The following MAGI1 variants were observed in gnomAD, a reference collection of about 807,000 sequenced individuals.
MAGI1 encodes membrane-associated guanylate kinase, WW and PDZ domain-containing protein 1.
Under a neutral mutation model 139.9 loss-of-function variants are expected in MAGI1, and 58 were observed. The observed-to-expected ratio is 0.41, with a 90% confidence interval of 0.34 to 0.52. The LOEUF (loss-of-function observed/expected upper bound fraction) is 0.52, where lower values mean the gene tolerates loss of function less well. Ranked by LOEUF, MAGI1 falls within the 20% of genes least tolerant of loss-of-function variation. The probability of loss-of-function intolerance (pLI) is 0.12; values close to 1 mark genes in which losing one functional copy is unlikely to be tolerated. For missense variants in MAGI1, 1,874 were observed against 1,901.6 expected (o/e 0.99, Z 0.27); for synonymous variants, 812 against 737.9 (o/e 1.10, Z -1.63).
intron 5 of MAGI1, among the ~76,000 whole-genome samples, chr3:65,457,070 C>A (rs982494345): frequency 6.6e-6 from 1 of 152,208 alleles, no homozygotes; most frequent in African/African-American, 2.4e-5. Context: ...ATAAACTTGT[C>A]TGTATCTACA....
At chr3:65,669,136 C>T (rs2086703060) in intron 1 of MAGI1, among the ~76,000 whole-genome samples, 1 of 152,082 alleles carries the variant, frequency 6.6e-6, no homozygotes, top group African/African-American at 2.4e-5. Flanking sequence ...AGGGTTTCAC[C>T]ATCTTGGCCA....
At chr3:65,816,430 G>A (rs1341157202) in intron 1 of MAGI1, among the ~76,000 whole-genome samples, 1 of 152,102 alleles carries the variant, frequency 6.6e-6, no homozygotes, top group East Asian at 1.9e-4. Flanking sequence ...TAGCCACATG[G>A]GGTAGTGGGA....
intron 1 of MAGI1, among the ~76,000 whole-genome samples, chr3:65,630,571 C>A (rs1559736881): frequency 6.6e-6 from 1 of 152,092 alleles, no homozygotes; most frequent in Non-Finnish European, 1.5e-5. Context: ...TTTGCAGCAA[C>A]CTAGATGAAG....
intron 1 of MAGI1, among the ~76,000 whole-genome samples, chr3:65,746,796 T>A (rs925233076): frequency 5.3e-5 from 8 of 152,030 alleles, no homozygotes; most frequent in Admixed American, 5.2e-4. Flanking sequence ...TGCTTCTGCC[T>A]AGTCAATCAC....
At chr3:65,927,627 A>G (rs1262837587) in intron 1 of MAGI1, among the ~76,000 whole-genome samples, 1 of 152,224 alleles carries the variant, frequency 6.6e-6, no homozygotes, top group Non-Finnish European at 1.5e-5. Flanking sequence ...CTATCAATGT[A>G]AAGTACTGCT....
At chr3:65,691,885 C>A (rs553890507) in intron 1 of MAGI1, among the ~76,000 whole-genome samples, 1 of 152,182 alleles carries the variant, frequency 6.6e-6, no homozygotes, top group Non-Finnish European at 1.5e-5. Context: ...CCAGTTCCAA[C>A]CTAATTAGCT....
intron 14 of MAGI1, among the ~76,000 whole-genome samples, chr3:65,388,834 ATTT>A (rs35579495): frequency 1.2e-3 from 111 of 91,934 alleles, no homozygotes; most frequent in African/African-American, 5.2e-3. Flanking sequence ...ACCATTCCGA[ATTT>A]TTTTTTTTTT....
intron 1 of MAGI1, among the ~76,000 whole-genome samples, chr3:65,942,627 A>G (rs1352377580): frequency 6.6e-6 from 1 of 152,346 alleles, no homozygotes; most frequent in East Asian, 1.9e-4. Flanking sequence ...ACAGAATGTT[A>G]GCAAGTGCCT....
At chr3:65,967,069 T>C (rs1438711021) in intron 1 of MAGI1, among the ~76,000 whole-genome samples, 1 of 152,054 alleles carries the variant, frequency 6.6e-6, no homozygotes, top group Non-Finnish European at 1.5e-5. Flanking sequence ...GTCACAGAGT[T>C]AGTGGACAGT....
intron 1 of MAGI1, among the ~76,000 whole-genome samples, chr3:65,809,767 G>A (rs1043152812): frequency 2.6e-5 from 4 of 152,198 alleles, no homozygotes; most frequent in African/African-American, 9.7e-5. Flanking sequence ...AGGCAAAACA[G>A]ATACACTGGA....
intron 17 of MAGI1, among the ~76,000 whole-genome samples, chr3:65,378,682 T>C (rs113505509): frequency 0.056 from 8,265 of 148,040 alleles, 687 homozygotes; most frequent in East Asian, 0.32. Flanking sequence ...CCTTTCCTTT[T>C]CTTTTTTTTT....
Position 65,437,372 on chromosome 3 carries a change from G to T in MAGI1, c.1271-125C>A, listed in dbSNP as rs1257002322. 4 of 477,752 alleles carry T rather than the reference G, an allele frequency of 8.4e-6. No homozygotes were observed. In the East Asian group the frequency reaches 1.0e-4, roughly 12 times the overall value. 29.6% of individuals were successfully genotyped at this position (477,752 alleles called of 1,614,324 possible). A position where few individuals can be genotyped will look rare whatever the true frequency, so the allele number is the denominator to read the frequency against. ...AAGGGCAGATAGCTTAGATTAAAAA[G>T]AAGTTGTTATCTGACCTCATTCTAT... On this transcript the variant is annotated intron_variant, in intron 9 of 22. Coordinates refer to ENST00000402939, the MANE Select transcript of MAGI1 (RefSeq NM_001033057.2).
chr3:65,606,195 T>C (rs1247305268), intron 2 of MAGI1, among the ~76,000 whole-genome samples: 1 of 152,148 alleles, frequency 6.6e-6, no homozygotes, highest in Non-Finnish European at 1.5e-5. Flanking sequence ...TTATCCAAGA[T>C]CACAAAGCCA....
At chr3:65,863,793 TA>T (rs890068167) in intron 1 of MAGI1, among the ~76,000 whole-genome samples, 7 of 152,130 alleles carry the variant, frequency 4.6e-5, no homozygotes, top group Non-Finnish European at 1.0e-4. Context: ...ATCCATAAAT[TA>T]AATATTATAC....
intron 1 of MAGI1, among the ~76,000 whole-genome samples, chr3:65,817,845 T>A (rs1187148699): frequency 1.3e-5 from 2 of 152,138 alleles, no homozygotes; most frequent in African/African-American, 4.8e-5. Context: ...ACATTGCAAA[T>A]GTAATAGAAC....
intron 1 of MAGI1, among the ~76,000 whole-genome samples, chr3:65,942,590 T>G (rs2106853071): frequency 6.6e-6 from 1 of 152,340 alleles, no homozygotes; most frequent in South Asian, 2.1e-4. Context: ...TACTGTCACT[T>G]TCTGATTTTA....
intron 1 of MAGI1, among the ~76,000 whole-genome samples, chr3:66,006,843 T>TTTGTG: frequency 6.6e-6 from 1 of 151,718 alleles, no homozygotes; most frequent in East Asian, 1.9e-4. Context: ...TTTGTTTTGT[T>TTTGTG]TATTAGAGAT....
In MAGI1 at chr3:65,775,412, G is replaced by T. The variant is rs548980360; in HGVS notation, c.314-153324C>A. Among the ~76,000 whole-genome samples the T allele has an allele frequency of 2.9e-5, 4 of 137,310 alleles. No individual in the cohort carries two copies. The East Asian group carries it at 9.4e-4, about 32-fold the overall frequency. The allele number at this position is 137,310 out of a possible 152,430, so 90.1% of individuals were successfully genotyped here. On this transcript the variant is annotated intron_variant, in intron 1 of 22. Transcript: ENST00000402939. Reference sequence around the variant, plus strand: ...TCCAGTAAGCCTAGATTGTGCCATTGCACTCCAGCCTGGGCAACAGAGTGA... The same window carrying T: ...TCCAGTAAGCCTAGATTGTGCCATTTCACTCCAGCCTGGGCAACAGAGTGA...
At chr3:65,694,394 T>C (rs2088958190) in intron 1 of MAGI1, among the ~76,000 whole-genome samples, 1 of 152,142 alleles carries the variant, frequency 6.6e-6, no homozygotes, top group Non-Finnish European at 1.5e-5. Flanking sequence ...TTAATTGAAA[T>C]GGTATACATA....
Sources: allele counts gnomAD v4.1 joint callset (sites outside exome capture counted in the v4.1 genomes callset), GRCh38; gene constraint gnomAD v4.1.1; transcripts MANE v1.5; gene names NCBI Gene and HGNC (gene_info 2026-07-23, HGNC 2026-07-21).